NMI: variants seen among roughly 807,000 people sequenced by gnomAD.
NMI encodes N-myc-interactor.
NMI carries 39 observed loss-of-function variants against 34.3 expected under a neutral mutation model. The ratio of observed to expected loss-of-function variants is 1.14; its 90% CI spans 0.88 to 1.49. The LOEUF (loss-of-function observed/expected upper bound fraction) is 1.49. Among genes scored for constraint, NMI ranks in the 40% most tolerant of loss-of-function variants. The pLI is 0.00. For missense variants in NMI, 339 were observed against 358.1 expected (o/e 0.95, Z 0.43); for synonymous variants, 113 against 120.3 (o/e 0.94, Z 0.40).
At position 151,275,553 on chromosome 2, in the gene NMI, C is replaced by A; in HGVS notation, c.565G>T (p.Gly189Ter). 2 of 1,614,196 alleles carry A rather than the reference C, an allele frequency of 1.2e-6. No homozygotes were observed. The highest frequency in any genetic ancestry group is 1.7e-6 in the Non-Finnish European group (2 of 1,180,030). Residue 189 changes from glycine (G) to a stop codon, truncating the protein, a stop_gained, in exon 6 of 8, where the codon GGA (glycine) becomes TGA (stop). Coordinates refer to ENST00000243346, the MANE Select transcript of NMI (RefSeq NM_004688.3). LOFTEE classifies it high-confidence loss of function. ...TCATAGTCCACGCGGTCCACCTCTC[C>A]GCCTCCATTTCGGGACTTTGAAAAG... ...LSFSKSRNGG[G>*]EVDRVDYDRQ...
At chr2:151,282,991 T>C (rs766197784) in intron 1 of NMI, 37 bp from the exon 2 acceptor site, 7 of 988,178 alleles carry the variant, frequency 7.1e-6, no homozygotes, top group Non-Finnish European at 1.0e-5. Flanking sequence ...AAGCATAGCA[T>C]ATATACACAA....
intron 1 of NMI, among the ~76,000 whole-genome samples, chr2:151,283,803 T>A (rs2105210970): frequency 6.6e-6 from 1 of 152,334 alleles, no homozygotes; most frequent in Middle Eastern, 3.4e-3. Flanking sequence ...AACCTCTAAT[T>A]GAAGCTTAGC....
intron 1 of NMI, among the ~76,000 whole-genome samples, chr2:151,284,816 C>T (rs181395386): frequency 1.2e-3 from 189 of 152,212 alleles, no homozygotes; most frequent in Admixed American, 2.7e-3. Context: ...TTTCAAGTGG[C>T]TAAATTCTCA....
chr2:151,281,909 C>T (rs202143364), intron 3 of NMI, 39 bp downstream of exon 3: 10 of 967,340 alleles, frequency 1.0e-5, no homozygotes, highest in Non-Finnish European at 1.6e-5. Flanking sequence ...AACCATGCAT[C>T]CATCAAAAAT....
rs772866282 is a variant in NMI at position 151,278,869 on chromosome 2, A to G, written c.299T>C (p.Ile100Thr). 2 of 1,613,636 alleles carry G rather than the reference A, an allele frequency of 1.2e-6. No individual in the cohort carries two copies. The highest frequency in any genetic ancestry group is 2.2e-5 in the East Asian group (1 of 44,810). The change falls in exon 4 of 8, where the codon ATA becomes ACA. Residue 100 changes from isoleucine to threonine, a missense_variant. Transcript: ENST00000243346. ...FQVSSKVPYE[I>T]QKGQALITFE... is the part of the protein sequence containing the mutation. ...GGTGATAAGTGCTTGTCCTTTTTGT[A>G]TCTCATAAGGAACTTTCGAGCTCAC...
intron 1 of NMI, among the ~76,000 whole-genome samples, chr2:151,286,496 A>C (rs2105213038): frequency 6.6e-6 from 1 of 152,284 alleles, no homozygotes; most frequent in East Asian, 1.9e-4. Flanking sequence ...GGTGAACTGA[A>C]GATGGCTCAA....
chr2:151,275,616 A>G lies in NMI; in HGVS notation c.502T>C (p.Leu168=), dbSNP rs289834. 0.13 allele frequency: 204,352 copies of G among 1,613,742 alleles called. 14,973 individuals are homozygous for G. Among genetic ancestry groups the G allele is most frequent in the African/African-American group, 0.28 (20,625 of 74,978 alleles). The change falls in exon 6 of 8, where the codon TTG becomes CTG. Residue 168 remains leucine, a synonymous_variant. Transcript: ENST00000243346. The part of the protein sequence containing the change: ...KINVTEIPDT[L]REDQMRDKLE... ...TTGTCTCTCATTTGATCTTCACGCAATGTGTCAGGAATTTCAGTAACATTG... is the reference window on the plus strand; with the variant it reads ...TTGTCTCTCATTTGATCTTCACGCAGTGTGTCAGGAATTTCAGTAACATTG...
chr2:151,279,784 G>C (rs1683356830), intron 3 of NMI, among the ~76,000 whole-genome samples: 1 of 152,052 alleles, frequency 6.6e-6, no homozygotes, highest in African/African-American at 2.4e-5. Flanking sequence ...CCCAGAATTA[G>C]ATGATGTTAA....
chr2:151,287,448 C>T (rs1234765239), intron 1 of NMI, among the ~76,000 whole-genome samples: 1 of 151,968 alleles, frequency 6.6e-6, no homozygotes, highest in Non-Finnish European at 1.5e-5. Flanking sequence ...ACTCACTTTC[C>T]CGTCCTATTT....
Position 151,275,644 on chromosome 2 carries a change from T to C in NMI, c.474A>G (p.Lys158=). 1 of 1,614,162 alleles carries C rather than the reference T, an allele frequency of 6.2e-7. No homozygotes were observed. Among genetic ancestry groups the C allele is most frequent in the Non-Finnish European group, 8.5e-7 (1 of 1,179,986 alleles). The change falls in exon 6 of 8, where the codon AAA becomes AAG. Residue 158 remains lysine, a synonymous_variant. Coordinates refer to ENST00000243346, the MANE Select transcript of NMI (RefSeq NM_004688.3). ...FQVYVEVSKM[K]INVTEIPDTL... ...TGTCAGGAATTTCAGTAACATTGAT[T>C]TTCATTTTAGAAACTTCTACATAAA...
At chr2:151,287,317 T>TA (rs1683518817) in intron 1 of NMI, among the ~76,000 whole-genome samples, 3 of 133,776 alleles carry the variant, frequency 2.2e-5, no homozygotes, top group African/African-American at 8.4e-5. Flanking sequence ...TCTCTCTCTC[T>TA]CTCACACACA....
At position 151,281,980 on chromosome 2, in the gene NMI, T is replaced by C; in HGVS notation, c.145A>G (p.Thr49Ala). Reference sequence around the variant, plus strand: ...TCTTTGGTAGCCTCTTGTAACTCCGTTTCAAGCTTTTGGATCTCCTTCTTT... The same window carrying C: ...TCTTTGGTAGCCTCTTGTAACTCCGCTTCAAGCTTTTGGATCTCCTTCTTT... ...QLKKEIQKLE[T>A]ELQEATKEFQ... Residue 49 changes from threonine to alanine, a missense_variant, in exon 3 of 8, where the codon ACG becomes GCG. Transcript: ENST00000243346. The C allele has an allele frequency of 6.4e-7, 1 of 1,560,968 alleles. No homozygotes were observed. Among genetic ancestry groups the C allele is most frequent in the Non-Finnish European group, 8.8e-7 (1 of 1,134,754 alleles).
intron 4 of NMI, chr2:151,278,583 G>C (rs1159749509): frequency 2.3e-6 from 1 of 436,802 alleles, no homozygotes; most frequent in Non-Finnish European, 4.2e-6. Flanking sequence ...GCTGGTATTG[G>C]ACATCATCAT....
chr2:151,270,973 T>A lies in NMI; in HGVS notation c.742-98A>T. 4.1e-6 allele frequency: 4 copies of A among 964,284 alleles called. No homozygotes were observed. In the South Asian group the frequency reaches 6.3e-5, roughly 15 times the overall value. The allele number at this position is 964,284 out of a possible 1,614,324, so 59.7% of individuals were successfully genotyped here. A position where few individuals can be genotyped will look rare whatever the true frequency, so the allele number is the denominator to read the frequency against. ...CTGCTTAATATTTTTTATTTTATCT[T>A]AGAAGAGACAAGAAATCTTAGGAAG... is the stretch of plus-strand genomic sequence containing the variant. On this transcript the variant is annotated intron_variant, in intron 7 of 7. Transcript: ENST00000243346.
Position 151,285,524 on chromosome 2 carries a change from G to T in NMI, c.-6-2570C>A, listed in dbSNP as rs560847107. On this transcript the variant is annotated intron_variant, in intron 1 of 7. Coordinates refer to ENST00000243346, the MANE Select transcript of NMI (RefSeq NM_004688.3). ...AATCGCTTGAAGCCGGGAGGCAGAG[G>T]TTGCAGTGAGTCAAGACTGCGTCAC... 2.0e-5 allele frequency among the ~76,000 whole-genome samples: 3 copies of T among 150,668 alleles called. No homozygotes were observed. In the East Asian group the frequency reaches 5.8e-4, roughly 29 times the overall value.
chr2:151,274,515 G>A (rs1420476336), intron 6 of NMI, among the ~76,000 whole-genome samples: 1 of 146,074 alleles, frequency 6.8e-6, no homozygotes, highest in Non-Finnish European at 1.5e-5. Flanking sequence ...TCACTCTGTC[G>A]CCCAAGCTGG....
intron 1 of NMI, chr2:151,288,934 T>A (rs550530174): frequency 1.2e-4 from 18 of 152,330 alleles, no homozygotes; most frequent in Middle Eastern, 3.4e-3. Flanking sequence ...AAGGACTATC[T>A]CCAGAGACAC....
In NMI at chr2:151,278,503, G is replaced by C. The variant is rs1215024251; in HGVS notation, c.340+325C>G. The C allele has an allele frequency of 1.3e-5, 3 of 239,010 alleles. No homozygotes were observed. In the East Asian group the frequency reaches 3.1e-4, roughly 25 times the overall value. 14.8% of individuals were successfully genotyped at this position (239,010 alleles called of 1,614,324 possible). ...GTATAAAATGTGATAATGTCTCTGA[G>C]AACTGTACAGCTCTACTACCTTGAA... is the stretch of plus-strand genomic sequence containing the variant. On this transcript the variant is annotated intron_variant, in intron 4 of 7. Transcript: ENST00000243346.
At chr2:151,285,730 T>G (rs1217245815) in intron 1 of NMI, among the ~76,000 whole-genome samples, 1 of 152,168 alleles carries the variant, frequency 6.6e-6, no homozygotes, top group Non-Finnish European at 1.5e-5. Context: ...GCACCCAGAC[T>G]TTGGTTTCTA....
Sources: gnomAD v4.1 joint callset for allele counts (sites outside exome capture counted in the v4.1 genomes callset) on GRCh38, gnomAD v4.1.1 for gene constraint, MANE v1.5 for transcripts, NCBI Gene and HGNC (gene_info 2026-07-23, HGNC 2026-07-21) for gene names.